Variants in RESF1 observed in about 807,000 individuals in gnomAD.
RESF1 encodes the protein gonad expressed transcript.
Under a neutral mutation model 134.7 loss-of-function variants are expected in RESF1, and 65 were observed. The observed-to-expected ratio is 0.48, with a 90% confidence interval of 0.40 to 0.59. The LOEUF (loss-of-function observed/expected upper bound fraction) is 0.59. Among genes scored for constraint, RESF1 ranks in the 20% least tolerant of loss-of-function variants. RESF1 has a pLI of 0.00. For missense variants in RESF1, 2,274 were observed against 2,002.7 expected, an observed-to-expected ratio of 1.14 and a Z score of -2.59; for synonymous variants, 762 against 702.2, an observed-to-expected ratio of 1.09 and a Z score of -1.35.
chr12:31,979,833 A>C (rs1939733435), intron 3 of RESF1, among the ~76,000 whole-genome samples: 1 of 151,874 alleles, frequency 6.6e-6, no homozygotes, highest in Non-Finnish European at 1.5e-5. Flanking sequence ...CTGGGATTAC[A>C]GGCATGAGCC....
intron 3 of RESF1, among the ~76,000 whole-genome samples, chr12:31,974,353 G>A (rs1215925413): frequency 6.6e-6 from 1 of 152,048 alleles, no homozygotes; most frequent in Non-Finnish European, 1.5e-5. Flanking sequence ...GACCAAGTAT[G>A]TATTTCTTAT....
chr12:31,962,845 C>T (rs1366328632), intron 2 of RESF1, among the ~76,000 whole-genome samples: 1 of 152,210 alleles, frequency 6.6e-6, no homozygotes, highest in African/African-American at 2.4e-5. Context: ...TGCCTGTAAT[C>T]CCAGCACTTT....
intron 3 of RESF1, among the ~76,000 whole-genome samples, chr12:31,971,321 T>C (rs902066075): frequency 1.3e-5 from 2 of 152,190 alleles, no homozygotes; most frequent in African/African-American, 4.8e-5. Flanking sequence ...TTTTTGTATT[T>C]GGTGGAGACG....
intron 3 of RESF1, among the ~76,000 whole-genome samples, chr12:31,977,235 C>T (rs912644221): frequency 5.9e-5 from 9 of 152,068 alleles, no homozygotes; most frequent in East Asian, 1.9e-4. Context: ...GGCTTGAGTG[C>T]GGTGGTGCGA....
Position 31,984,423 on chromosome 12 carries a change from A to C in RESF1, c.3468A>C (p.Gln1156His). Reference sequence around the variant, plus strand: ...ACCTGCAGGCACCTGCAGCTGGACAAAGTCGTGATTCTGTGATACTGGACT... The same window carrying C: ...ACCTGCAGGCACCTGCAGCTGGACACAGTCGTGATTCTGTGATACTGGACT... ...QCDLQAPAAG[Q>H]SRDSVILDSE... The change falls in exon 4 of 6, where the codon CAA (glutamine) becomes CAC (histidine). Residue 1156 changes from glutamine to histidine, a missense_variant. Gln to His is a conservative substitution (Grantham distance 24). Transcript: ENST00000312561. 6.2e-7 allele frequency: 1 copy of C among 1,614,170 alleles called. No individual in the cohort carries two copies. Among genetic ancestry groups the C allele is most frequent in the Non-Finnish European group, 8.5e-7 (1 of 1,180,012 alleles).
At chr12:31,974,710 ACT>A (rs1279606560) in intron 3 of RESF1, among the ~76,000 whole-genome samples, 1 of 151,662 alleles carries the variant, frequency 6.6e-6, no homozygotes, top group Non-Finnish European at 1.5e-5. Flanking sequence ...AGTTCATGAG[ACT>A]CTCTCCTCCA....
chr12:31,973,511 AC>A (rs1343101156), intron 3 of RESF1, among the ~76,000 whole-genome samples: 1 of 151,982 alleles, frequency 6.6e-6, no homozygotes, highest in Non-Finnish European at 1.5e-5. Context: ...CTCTACTGCC[AC>A]CCTAAGTCGT....
In RESF1 at chr12:31,975,513, T is replaced by A. The variant is rs1412793195; in HGVS notation, c.-79+5157T>A. On this transcript the variant is annotated intron_variant, in intron 3 of 5. Transcript: ENST00000312561. ...ATAAGAGAGCTTTAAAAAATAACTT[T>A]ATGAAATCAAAACATACCTAAGAAA... Among the ~76,000 whole-genome samples, 5 of 152,198 alleles carry A rather than the reference T, an allele frequency of 3.3e-5. No individual in the cohort carries two copies. The East Asian group carries it at 9.6e-4, about 29-fold the overall frequency.
intron 2 of RESF1, among the ~76,000 whole-genome samples, chr12:31,966,280 A>G (rs1939395740): frequency 6.6e-6 from 1 of 152,204 alleles, no homozygotes; most frequent in Admixed American, 6.6e-5. Flanking sequence ...GACAAGCTTG[A>G]TTTAGTAGAT....
At chr12:31,960,268 C>T (rs1016653773) in intron 1 of RESF1, among the ~76,000 whole-genome samples, 21 of 151,974 alleles carry the variant, frequency 1.4e-4, no homozygotes, top group Non-Finnish European at 2.9e-4. Flanking sequence ...TGTAGTACAT[C>T]GAGTGCATAC....
intron 5 of RESF1, among the ~76,000 whole-genome samples, chr12:31,988,157 A>G (rs1181842129): frequency 6.6e-6 from 1 of 152,166 alleles, no homozygotes; most frequent in Non-Finnish European, 1.5e-5. Context: ...GGATATTTCC[A>G]TTTTATAGAT....
chr12:31,983,713 A>G lies in RESF1; in HGVS notation c.2758A>G (p.Met920Val), dbSNP rs1269852408. Residue 920 changes from methionine to valine, a missense_variant, in exon 4 of 6, where the codon ATG becomes GTG. Met to Val is a conservative substitution (Grantham distance 21). Coordinates refer to ENST00000312561, the MANE Select transcript of RESF1 (RefSeq NM_018169.4). ...GATATTCAGCTCTCTTCCCTTGAAAATGGTTGAGCCACAGAAACCTTCTCT... is the reference window on the plus strand; with the variant it reads ...GATATTCAGCTCTCTTCCCTTGAAAGTGGTTGAGCCACAGAAACCTTCTCT... ...AKIFSSLPLK[M>V]VEPQKPSLPN... 1.9e-6 allele frequency: 3 copies of G among 1,613,782 alleles called. No individual in the cohort carries two copies. The highest frequency in any genetic ancestry group is 1.6e-4 in the Middle Eastern group (1 of 6,084).
In RESF1 at chr12:31,981,776, A is replaced by G; in HGVS notation, c.821A>G (p.Asp274Gly). 1.2e-6 allele frequency: 2 copies of G among 1,613,934 alleles called. No homozygotes were observed. Among genetic ancestry groups the G allele is most frequent in the Non-Finnish European group, 1.7e-6 (2 of 1,180,026 alleles). ...TCACAGCAGTATGCCACGCAAACTG[A>G]CAAAAGACCTCCTCCTCCTCCTTAC... ...VPSQQYATQT[D>G]KRPPPPPYNC... The change falls in exon 4 of 6, where the codon GAC (aspartate) becomes GGC (glycine). Residue 274 changes from aspartate (D) to glycine (G), a missense_variant. Coordinates refer to ENST00000312561, the MANE Select transcript of RESF1 (RefSeq NM_018169.4).
At position 31,992,481 on chromosome 12, in the gene RESF1, A is replaced by G. The variant is rs1452866644; in HGVS notation, c.5190A>G (p.Lys1730=). 25 of 1,613,926 alleles carry G rather than the reference A, an allele frequency of 1.5e-5. No individual in the cohort carries two copies. In the Admixed American group the frequency reaches 1.7e-4, roughly 11 times the overall value. ...KDSKEMFQTY[K]QMYLEKRSRS... Reference sequence around the variant, plus strand: ...CAAAAGAAATGTTTCAAACCTACAAACAGATGTACCTGGAGAAGAGAAGCA... The same window carrying G: ...CAAAAGAAATGTTTCAAACCTACAAGCAGATGTACCTGGAGAAGAGAAGCA... Residue 1730 remains lysine (K), a synonymous_variant, in exon 6 of 6, where the codon AAA becomes AAG. Coordinates refer to ENST00000312561, the MANE Select transcript of RESF1 (RefSeq NM_018169.4).
Position 31,982,712 on chromosome 12 carries a change from C to T in RESF1, c.1757C>T (p.Ala586Val). ...CAAAATGAAAATATGCTACTTCTCG[C>T]TTTGCTTTCACAGGCACGTAAGACT... ...KIQNENMLLLALLSQARKTQK... is the reference protein window; with the variant it reads ...KIQNENMLLLVLLSQARKTQK... Residue 586 changes from alanine to valine, a missense_variant, in exon 4 of 6, where the codon GCT (alanine) becomes GTT (valine). Transcript: ENST00000312561. 1 of 1,613,892 alleles carries T rather than the reference C, an allele frequency of 6.2e-7. No individual in the cohort carries two copies. The highest frequency in any genetic ancestry group is 8.5e-7 in the Non-Finnish European group (1 of 1,179,822).
chr12:31,976,253 T>C (rs776695151), intron 3 of RESF1, among the ~76,000 whole-genome samples: 1 of 152,214 alleles, frequency 6.6e-6, no homozygotes, highest in African/African-American at 2.4e-5. Context: ...TAACTGACTC[T>C]TGTGCAGTAA....
At chr12:31,989,376 AC>A (rs1940047106) in intron 5 of RESF1, among the ~76,000 whole-genome samples, 3 of 134,742 alleles carry the variant, frequency 2.2e-5, no homozygotes, top group African/African-American at 8.5e-5. Flanking sequence ...AGCCTGGGTG[AC>A]AGAGAGAGAG....
Position 31,983,344 on chromosome 12 carries a change from G to A in RESF1, c.2389G>A (p.Val797Ile). Residue 797 changes from valine (V) to isoleucine (I), a missense_variant, in exon 4 of 6, where the codon GTT becomes ATT. Val to Ile is a conservative substitution (Grantham distance 29). Transcript: ENST00000312561. ...TVYPVIKEGS[V>I]CSLQNQLAEN... ...GTATCCCGTTATTAAAGAAGGCAGT[G>A]TTTGTAGTTTACAAAATCAATTGGC... 1 of 1,614,062 alleles carries A rather than the reference G, an allele frequency of 6.2e-7. No homozygotes were observed. The highest frequency in any genetic ancestry group is 8.5e-7 in the Non-Finnish European group (1 of 1,180,014).
chr12:31,992,576 T>C lies in RESF1; in HGVS notation c.*41T>C, dbSNP rs1262788038. On this transcript the variant is annotated 3_prime_UTR_variant, in exon 6 of 6. Coordinates refer to ENST00000312561, the MANE Select transcript of RESF1 (RefSeq NM_018169.4). ...TTGTAATTGCCACTGGGAAATTTCT[T>C]TCCTTTTCTGTTCAAAATATTTCGC... 1.9e-6 allele frequency: 3 copies of C among 1,576,306 alleles called. No individual in the cohort carries two copies. Among genetic ancestry groups the C allele is most frequent in the Non-Finnish European group, 1.7e-6 (2 of 1,151,632 alleles).
Sources: allele counts gnomAD v4.1 joint callset (sites outside exome capture counted in the v4.1 genomes callset), GRCh38; gene constraint gnomAD v4.1.1; transcripts MANE v1.5; gene names NCBI Gene and HGNC (gene_info 2026-07-23, HGNC 2026-07-21).